Variants in KDM4C observed in about 807,000 individuals in gnomAD.
KDM4C encodes the protein lysine demethylase 4C.
A neutral mutation model predicts 129.3 loss-of-function variants in KDM4C; 81 were observed. The observed-to-expected ratio is 0.63, with a 90% CI of 0.52 to 0.75. KDM4C has a LOEUF of 0.75. KDM4C is among the 30% of genes least tolerant of loss of function. KDM4C has a pLI of 0.00. For synonymous variants in KDM4C, 573 were observed against 456.1 expected, an observed-to-expected ratio of 1.26 and a Z score of -3.26; for missense variants, 1,457 against 1,304.0, an observed-to-expected ratio of 1.12 and a Z score of -1.81.
intron 15 of KDM4C, among the ~76,000 whole-genome samples, chr9:7,046,580 A>C (rs1007076567): frequency 7.9e-5 from 12 of 152,022 alleles, no homozygotes; most frequent in Admixed American, 3.9e-4. Flanking sequence ...TCTGTGTCAC[A>C]GCTTTCCTTT....
intron 8 of KDM4C, among the ~76,000 whole-genome samples, chr9:6,901,304 C>T (rs978800249): frequency 2.6e-5 from 4 of 152,122 alleles, no homozygotes; most frequent in Non-Finnish European, 5.9e-5. Flanking sequence ...GCAGGCTTTC[C>T]TGCACTTCCA....
intron 8 of KDM4C, among the ~76,000 whole-genome samples, chr9:6,921,918 A>C (rs777338102): frequency 6.6e-6 from 1 of 151,840 alleles, no homozygotes; most frequent in African/African-American, 2.4e-5. Flanking sequence ...CCCCTCCCCA[A>C]TCTGCATGGC....
intron 2 of KDM4C, among the ~76,000 whole-genome samples, chr9:6,794,413 CT>C (rs1478527798): frequency 2.0e-5 from 3 of 152,146 alleles, no homozygotes; most frequent in African/African-American, 7.2e-5. Context: ...GTGGACTTGT[CT>C]GGCTATGGTA....
intron 17 of KDM4C, among the ~76,000 whole-genome samples, chr9:7,073,595 T>C (rs1833508088): frequency 6.6e-6 from 1 of 152,240 alleles, no homozygotes. Context: ...TCAGTTCAGT[T>C]ATACTCCCTG....
At chr9:6,734,761 C>G in intron 1 of KDM4C, 1 of 372,944 alleles carries the variant, frequency 2.7e-6, no homozygotes, top group Non-Finnish European at 5.2e-6. Flanking sequence ...ATAAGCCTCT[C>G]ACCTACTTAA....
intron 4 of KDM4C, among the ~76,000 whole-genome samples, chr9:6,819,472 G>A (rs1285574813): frequency 3.9e-5 from 6 of 152,180 alleles, no homozygotes; most frequent in Admixed American, 3.9e-4. Flanking sequence ...GTATCATTTT[G>A]GTAGGACCTA....
chr9:6,960,027 A>T (rs1334021741), intron 8 of KDM4C, among the ~76,000 whole-genome samples: 3 of 151,810 alleles, frequency 2.0e-5, no homozygotes, highest in Non-Finnish European at 4.4e-5. Flanking sequence ...GAAACGATTA[A>T]AGTAATCCTC....
At chr9:6,847,612 G>A (rs1000257259) in intron 4 of KDM4C, among the ~76,000 whole-genome samples, 1 of 152,084 alleles carries the variant, frequency 6.6e-6, no homozygotes, top group African/African-American at 2.4e-5. Context: ...GGATGGTCTC[G>A]ATCTCCTGAC....
chr9:6,785,085 T>C (rs1470881145), intron 1 of KDM4C, among the ~76,000 whole-genome samples: 1 of 152,242 alleles, frequency 6.6e-6, no homozygotes, highest in Non-Finnish European at 1.5e-5. Context: ...TAACTAATTA[T>C]CACAAACTGG....
chr9:6,888,479 A>C (rs1845618160), intron 7 of KDM4C, among the ~76,000 whole-genome samples: 1 of 152,208 alleles, frequency 6.6e-6, no homozygotes, highest in Non-Finnish European at 1.5e-5. Flanking sequence ...ACATTTAGAC[A>C]TAATACAATC....
At position 6,738,747 on chromosome 9, in the gene KDM4C, T is replaced by TTTTTC. The variant is rs915929057; in HGVS notation, c.49+17766_49+17770dup. On this transcript the variant is annotated intron_variant, in intron 1 of 17. Coordinates refer to the KDM4C transcript ENST00000536108. ...GGGGCATGCCACCACGCCCAACTAATTTTTCTTTTCTTTTCTTTTCATTTT... is the reference window on the plus strand; with the variant it reads ...GGGGCATGCCACCACGCCCAACTAATTTTTCTTTTCTTTTCTTTTCTTTTCATTTT... 3.3e-5 allele frequency among the ~76,000 whole-genome samples: 5 copies of TTTTTC among 151,736 alleles called. No individual in the cohort carries two copies. The East Asian group carries it at 7.8e-4, about 24-fold the overall frequency.
intron 4 of KDM4C, among the ~76,000 whole-genome samples, chr9:6,818,444 G>GC (rs1832507294): frequency 6.6e-6 from 1 of 152,332 alleles, no homozygotes; most frequent in Admixed American, 6.5e-5. Context: ...GGCAAGTTAT[G>GC]CACATGTGTG....
At chr9:6,966,071 C>T (rs886236922) in intron 8 of KDM4C, among the ~76,000 whole-genome samples, 3 of 152,156 alleles carry the variant, frequency 2.0e-5, no homozygotes, top group African/African-American at 7.2e-5. Flanking sequence ...TCAGAGTTAA[C>T]TTTGCATTTA....
At chr9:6,821,468 C>A (rs886200129) in intron 4 of KDM4C, among the ~76,000 whole-genome samples, 1 of 152,126 alleles carries the variant, frequency 6.6e-6, no homozygotes, top group Admixed American at 6.5e-5. Flanking sequence ...TTTCTGATGA[C>A]CAGTGATGAT....
intron 1 of KDM4C, among the ~76,000 whole-genome samples, chr9:6,736,562 G>T (rs1435451358): frequency 6.6e-6 from 1 of 152,144 alleles, no homozygotes; most frequent in Non-Finnish European, 1.5e-5. Flanking sequence ...AGAGTTGGCA[G>T]CGTCCATGTG....
intron 4 of KDM4C, among the ~76,000 whole-genome samples, chr9:6,837,458 A>C (rs1836089293): frequency 6.6e-6 from 1 of 152,234 alleles, no homozygotes; most frequent in African/African-American, 2.4e-5. Context: ...AGCCATCACC[A>C]GTCTAGTCGC....
chr9:6,791,030 C>T (rs1224942099), intron 1 of KDM4C, among the ~76,000 whole-genome samples: 1 of 152,174 alleles, frequency 6.6e-6, no homozygotes, highest in East Asian at 1.9e-4. Flanking sequence ...CCTAGAGTGC[C>T]CTTTCTCTTG....
intron 1 of KDM4C, among the ~76,000 whole-genome samples, chr9:6,788,674 A>C (rs2130834289): frequency 6.6e-6 from 1 of 152,254 alleles, no homozygotes; most frequent in East Asian, 1.9e-4. Flanking sequence ...GCCAGACTGT[A>C]TGCTAGGGCT....
chr9:6,914,021 G>A (rs1489684498), intron 8 of KDM4C, among the ~76,000 whole-genome samples: 1 of 152,142 alleles, frequency 6.6e-6, no homozygotes, highest in Non-Finnish European at 1.5e-5. Context: ...GCAGTTGAAA[G>A]CCTGAGACTG....
Sources: gnomAD v4.1 joint callset for allele counts (sites outside exome capture counted in the v4.1 genomes callset) on GRCh38, gnomAD v4.1.1 for gene constraint, MANE v1.5 for transcripts, NCBI Gene and HGNC (gene_info 2026-07-23, HGNC 2026-07-21) for gene names.